SPEF2: variants seen among roughly 807,000 people sequenced by gnomAD.
SPEF2 encodes the protein sperm flagella and cilia-associated protein 2.
Under a neutral mutation model 224.6 loss-of-function variants are expected in SPEF2, and 187 were observed. The observed-to-expected ratio is 0.83, with a 90% CI of 0.74 to 0.94. SPEF2 has a LOEUF of 0.94. Ranked by LOEUF, SPEF2 falls within the 40% of genes least tolerant of loss-of-function variation. SPEF2 has a pLI of 0.00. For synonymous variants in SPEF2, 715 were observed against 707.3 expected, an observed-to-expected ratio of 1.01 and a Z score of -0.17; for missense variants, 2,170 against 2,135.6, an observed-to-expected ratio of 1.02 and a Z score of -0.32.
In SPEF2 at chr5:35,654,682, C is replaced by T. The variant is rs149603949; in HGVS notation, c.934C>T (p.Arg312Trp). 866 of 1,610,834 alleles carry T rather than the reference C, an allele frequency of 5.4e-4. No individual in the cohort carries two copies. The highest frequency in any genetic ancestry group is 6.8e-4 in the Non-Finnish European group (806 of 1,179,344). The change falls in exon 7 of 37, where the codon CGG (arginine) becomes TGG (tryptophan). Residue 312 changes from arginine (R) to tryptophan (W), a missense_variant. Coordinates refer to ENST00000356031, the MANE Select transcript of SPEF2 (RefSeq NM_024867.4). ...ACGAGAGCAAAGGGAGAAAAGACGG[C>T]GGAAATTGTTAATGGACCAGTTAAT... ...FAREQREKRR[R>W]KLLMDQLIAH...
intron 33 of SPEF2, among the ~76,000 whole-genome samples, chr5:35,799,362 A>G (rs377498109): frequency 1.3e-5 from 2 of 152,060 alleles, no homozygotes; most frequent in African/African-American, 4.8e-5. Flanking sequence ...AATGCACAAG[A>G]CCCTGTGTCA....
intron 16 of SPEF2, chr5:35,702,393 G>A: frequency 4.5e-6 from 2 of 443,638 alleles, no homozygotes; most frequent in South Asian, 3.2e-5. Flanking sequence ...CATTGTGAGA[G>A]TAAAAGGCTG....
intron 30 of SPEF2, among the ~76,000 whole-genome samples, chr5:35,779,997 A>G (rs56216945): frequency 0.013 from 2,001 of 152,266 alleles, 47 homozygotes; most frequent in African/African-American, 0.046. Flanking sequence ...TAGCACAAGT[A>G]ATTCAGACAG....
chr5:35,707,756 A>G (rs1740090100), intron 18 of SPEF2, among the ~76,000 whole-genome samples: 1 of 152,076 alleles, frequency 6.6e-6, no homozygotes, highest in South Asian at 2.1e-4. Context: ...ATCTGGGCTA[A>G]CCATCTCCCC....
At chr5:35,736,474 TGTG>T (rs1746612670) in intron 21 of SPEF2, among the ~76,000 whole-genome samples, 2 of 147,922 alleles carry the variant, frequency 1.4e-5, no homozygotes, top group South Asian at 4.2e-4. Context: ...ACAGAGTGTG[TGTG>T]TGTGTGTGTG....
chr5:35,790,004 A>G, intron 30 of SPEF2: 1 of 700,312 alleles, frequency 1.4e-6, no homozygotes, highest in Non-Finnish European at 2.6e-6. Context: ...AATCTTTTAC[A>G]TTTCTTCTCC....
At chr5:35,718,846 C>T (rs553091872) in intron 20 of SPEF2, among the ~76,000 whole-genome samples, 1 of 152,130 alleles carries the variant, frequency 6.6e-6, no homozygotes, top group African/African-American at 2.4e-5. Context: ...AATTTTCCTG[C>T]CTAGGGCTTT....
intron 36 of SPEF2, among the ~76,000 whole-genome samples, chr5:35,809,923 G>T (rs1758430985): frequency 6.6e-6 from 1 of 152,020 alleles, no homozygotes; most frequent in African/African-American, 2.4e-5. Context: ...AAATCCTTTG[G>T]AATTATGTAA....
At chr5:35,712,218 GTGTT>G (rs1322655334) in intron 19 of SPEF2, among the ~76,000 whole-genome samples, 3 of 151,710 alleles carry the variant, frequency 2.0e-5, no homozygotes, top group Non-Finnish European at 4.4e-5. Flanking sequence ...GTTCTTCAAA[GTGTT>G]TGGCCATTAT....
intron 1 of SPEF2, among the ~76,000 whole-genome samples, chr5:35,627,475 C>T: frequency 6.6e-6 from 1 of 151,920 alleles, no homozygotes; most frequent in East Asian, 1.9e-4. Flanking sequence ...GTGGCACACA[C>T]CTGTAATCCC....
chr5:35,625,126 T>C (rs1187669635), intron 1 of SPEF2, among the ~76,000 whole-genome samples: 1 of 152,222 alleles, frequency 6.6e-6, no homozygotes. Flanking sequence ...TTTCTGCTGA[T>C]GTGGTACATG....
intron 14 of SPEF2, among the ~76,000 whole-genome samples, chr5:35,696,265 T>C (rs953972860): frequency 2.6e-5 from 4 of 152,214 alleles, no homozygotes; most frequent in Non-Finnish European, 5.9e-5. Context: ...ATGACCAGAC[T>C]AAATCAAGTG....
chr5:35,789,607 T>C, intron 30 of SPEF2: 1 of 636,504 alleles, frequency 1.6e-6, no homozygotes, highest in Non-Finnish European at 2.8e-6. Flanking sequence ...ACACATCTTA[T>C]CAAGAGACTT....
At position 35,807,229 on chromosome 5, in the gene SPEF2, A is replaced by G; in HGVS notation, c.5355A>G (p.Ser1785=). 1 of 1,613,484 alleles carries G rather than the reference A, an allele frequency of 6.2e-7. No homozygotes were observed. ...LKHPFIQDLI[S]NYSDYKFPDI... ...ATCCTTTTATTCAAGACCTGATTTC[A>G]AATTATTCAGACTATAAGTTTCCTG... The change falls in exon 36 of 37, where the codon TCA becomes TCG. Residue 1785 remains serine (S), a synonymous_variant. Transcript: ENST00000356031.
At chr5:35,813,802 T>C (rs1374239517) in intron 36 of SPEF2, among the ~76,000 whole-genome samples, 1 of 150,850 alleles carries the variant, frequency 6.6e-6, no homozygotes, top group Non-Finnish European at 1.5e-5. Flanking sequence ...GGAACTTATA[T>C]TGTTAAAATA....
intron 9 of SPEF2, among the ~76,000 whole-genome samples, chr5:35,668,877 T>C (rs1205559392): frequency 1.3e-5 from 2 of 152,094 alleles, no homozygotes; most frequent in South Asian, 2.1e-4. Flanking sequence ...GTAAGTCATA[T>C]TGAAAGAGAA....
chr5:35,733,189 A>G (rs2149672190), intron 21 of SPEF2, among the ~76,000 whole-genome samples: 1 of 151,892 alleles, frequency 6.6e-6, no homozygotes, highest in East Asian at 1.9e-4. Context: ...ATCTTGGCTC[A>G]CTGCAAGCAC....
intron 1 of SPEF2, among the ~76,000 whole-genome samples, chr5:35,622,926 T>G (rs1743730759): frequency 6.6e-6 from 1 of 152,238 alleles, no homozygotes; most frequent in Non-Finnish European, 1.5e-5. Context: ...ATCTCAATTA[T>G]GATAAAGCCT....
intron 20 of SPEF2, among the ~76,000 whole-genome samples, chr5:35,713,868 AT>A (rs1741819323): frequency 5.3e-4 from 1 of 1,890 alleles, no homozygotes; most frequent in Non-Finnish European, 1.7e-3. Flanking sequence ...TATATATAGT[AT>A]TATATATTTT....
Sources: allele counts gnomAD v4.1 joint callset (sites outside exome capture counted in the v4.1 genomes callset), GRCh38; gene constraint gnomAD v4.1.1; transcripts MANE v1.5; gene names NCBI Gene and HGNC (gene_info 2026-07-23, HGNC 2026-07-21).